Variants in CTNNA3 observed in about 807,000 individuals in gnomAD.
CTNNA3 encodes catenin alpha-3.
Under a neutral mutation model 95.7 loss-of-function variants are expected in CTNNA3, and 76 were observed. The ratio of observed to expected loss-of-function variants is 0.79; its 90% CI spans 0.66 to 0.96. The LOEUF (loss-of-function observed/expected upper bound fraction) is 0.96. Among genes scored for constraint, CTNNA3 ranks in the 40% least tolerant of loss-of-function variants. CTNNA3 has a pLI of 0.00. For synonymous variants in CTNNA3, 431 were observed against 374.4 expected, an observed-to-expected ratio of 1.15 and a Z score of -1.74; for missense variants, 1,191 against 1,089.8, an observed-to-expected ratio of 1.09 and a Z score of -1.31.
chr10:66,328,479 C>A (rs1306100099), intron 12 of CTNNA3, among the ~76,000 whole-genome samples: 1 of 152,034 alleles, frequency 6.6e-6, no homozygotes. Flanking sequence ...CTTGTCAATT[C>A]AACTCTTTAT....
intron 10 of CTNNA3, among the ~76,000 whole-genome samples, chr10:66,592,270 GA>G (rs1317604492): frequency 4.6e-5 from 7 of 151,938 alleles, no homozygotes; most frequent in Non-Finnish European, 8.8e-5. Context: ...ATAAGATCAT[GA>G]AAAAAGTATT....
chr10:66,627,936 T>C (rs1437822601), intron 9 of CTNNA3, among the ~76,000 whole-genome samples: 1 of 152,144 alleles, frequency 6.6e-6, no homozygotes, highest in Non-Finnish European at 1.5e-5. Flanking sequence ...ATCATACCTA[T>C]ACTTCAAGGC....
At position 66,067,667 on chromosome 10, in the gene CTNNA3, C is replaced by T. The variant is rs2080340580; in HGVS notation, c.2159+1641G>A. 3.9e-5 allele frequency among the ~76,000 whole-genome samples: 6 copies of T among 152,090 alleles called. No individual in the cohort carries two copies. In the South Asian group the frequency reaches 1.2e-3, roughly 32 times the overall value. On this transcript the variant is annotated intron_variant, in intron 15 of 17. Coordinates refer to ENST00000433211, the MANE Select transcript of CTNNA3 (RefSeq NM_013266.4). ...GTGCGGTGACTCATGCCTGTAATCC[C>T]AGCACTTTGGGAGGCTGAGGCGGGC...
At chr10:67,486,350 T>TC (rs1848448937) in intron 5 of CTNNA3, among the ~76,000 whole-genome samples, 1 of 151,018 alleles carries the variant, frequency 6.6e-6, no homozygotes, top group Non-Finnish European at 1.5e-5. Context: ...TTCATGACCC[T>TC]CCACCCTTCA....
At chr10:67,619,650 A>G (rs1377425083) in intron 2 of CTNNA3, among the ~76,000 whole-genome samples, 4 of 152,226 alleles carry the variant, frequency 2.6e-5, no homozygotes, top group Non-Finnish European at 5.9e-5. Flanking sequence ...AGTGTGGACT[A>G]TTGGAAGAAA....
chr10:66,483,144 G>A (rs1839600376), intron 11 of CTNNA3, among the ~76,000 whole-genome samples: 1 of 152,226 alleles, frequency 6.6e-6, no homozygotes, highest in East Asian at 1.9e-4. Context: ...ATAGTTAAGA[G>A]GACAGATTCT....
At chr10:66,196,941 C>T (rs2086994303) in intron 13 of CTNNA3, among the ~76,000 whole-genome samples, 3 of 152,132 alleles carry the variant, frequency 2.0e-5, no homozygotes, top group South Asian at 2.1e-4. Context: ...AGAGCAGGCT[C>T]ATGAATTGAA....
chr10:67,189,152 A>G (rs1051067952), intron 6 of CTNNA3, among the ~76,000 whole-genome samples: 2 of 151,922 alleles, frequency 1.3e-5, no homozygotes, highest in East Asian at 1.9e-4. Flanking sequence ...CAAAAAAAAA[A>G]ACAGAAAATT....
chr10:66,004,039 T>C (rs2078829383), intron 15 of CTNNA3, among the ~76,000 whole-genome samples: 1 of 152,190 alleles, frequency 6.6e-6, no homozygotes, highest in Admixed American at 6.5e-5. Context: ...CCTTAACTTT[T>C]CTCCAACATA....
chr10:66,001,896 C>G (rs1245820255), intron 15 of CTNNA3, among the ~76,000 whole-genome samples: 1 of 152,038 alleles, frequency 6.6e-6, no homozygotes. Flanking sequence ...TCCATATATT[C>G]TTTTAGTGAG....
intron 1 of CTNNA3, among the ~76,000 whole-genome samples, chr10:67,681,314 GA>G (rs1840621953): frequency 6.6e-6 from 1 of 152,010 alleles, no homozygotes; most frequent in Non-Finnish European, 1.5e-5. Context: ...GTAGGGATTG[GA>G]AAAAATAGGA....
At chr10:66,326,199 T>C (rs1484429686) in intron 12 of CTNNA3, among the ~76,000 whole-genome samples, 1 of 152,088 alleles carries the variant, frequency 6.6e-6, no homozygotes, top group Non-Finnish European at 1.5e-5. Context: ...TTTTGACATT[T>C]AGAGCAGAAT....
intron 6 of CTNNA3, among the ~76,000 whole-genome samples, chr10:67,204,698 A>G (rs1416316613): frequency 6.6e-6 from 1 of 152,184 alleles, no homozygotes; most frequent in Non-Finnish European, 1.5e-5. Flanking sequence ...CCACTGCACA[A>G]AGCCAATTCA....
At chr10:67,027,170 G>A (rs1853440464) in intron 7 of CTNNA3, among the ~76,000 whole-genome samples, 1 of 152,146 alleles carries the variant, frequency 6.6e-6, no homozygotes. Flanking sequence ...GACAGAAGAG[G>A]GAAAGGAGCG....
chr10:66,677,404 T>G (rs1589111231), intron 9 of CTNNA3, among the ~76,000 whole-genome samples: 1 of 31,606 alleles, frequency 3.2e-5, no homozygotes, highest in East Asian at 5.6e-4. Flanking sequence ...AGAAGCCCAC[T>G]TTTTTTTTAA....
rs139258241 is a variant in CTNNA3, at chr10:66,214,232, T to A, written c.1884+66238A>T. On this transcript the variant is annotated intron_variant, in intron 13 of 17. Transcript: ENST00000433211. ...ACAAAGGAAAAGGTGCCCATTGAAA[T>A]CTGCAGCATGCAGTCACACCTGCTT... 7.0e-3 allele frequency among the ~76,000 whole-genome samples: 1,059 copies of A among 152,278 alleles called. 15 individuals are homozygous for A. The highest frequency in any genetic ancestry group is 0.024 in the African/African-American group (1,009 of 41,554).
chr10:67,431,154 C>A (rs1272385324), intron 5 of CTNNA3, among the ~76,000 whole-genome samples: 1 of 151,892 alleles, frequency 6.6e-6, no homozygotes, highest in Non-Finnish European at 1.5e-5. Flanking sequence ...TGAAGTCAAC[C>A]ACTAATGGAC....
At chr10:67,250,912 G>A (rs551291345) in intron 5 of CTNNA3, among the ~76,000 whole-genome samples, 3 of 152,284 alleles carry the variant, frequency 2.0e-5, no homozygotes, top group African/African-American at 7.2e-5. Context: ...TTGGAAAATA[G>A]CCTGGCAGTT....
intron 3 of CTNNA3, among the ~76,000 whole-genome samples, chr10:67,586,201 T>G (rs983920294): frequency 6.6e-6 from 1 of 151,966 alleles, no homozygotes; most frequent in African/African-American, 2.4e-5. Context: ...TGATATGATT[T>G]CAATTTTTTT....
Sources: gnomAD v4.1 joint callset for allele counts (sites outside exome capture counted in the v4.1 genomes callset) on GRCh38, gnomAD v4.1.1 for gene constraint, MANE v1.5 for transcripts, NCBI Gene and HGNC (gene_info 2026-07-23, HGNC 2026-07-21) for gene names.